TF: variants seen among roughly 807,000 people sequenced by gnomAD.
TF encodes serotransferrin.
In TF, 55 loss-of-function variants were observed where a neutral mutation model predicts 82.4. The observed-to-expected ratio is 0.67, with a 90% confidence interval of 0.54 to 0.84. The LOEUF (loss-of-function observed/expected upper bound fraction) is 0.84, where lower values mean the gene tolerates loss of function less well. Among genes scored for constraint, TF ranks in the 40% least tolerant of loss-of-function variants. The pLI is 0.00. For synonymous variants in TF, 332 were observed against 332.6 expected (o/e 1.00, Z 0.02); for missense variants, 737 against 868.4 (o/e 0.85, Z 1.90).
the TF span, among the ~76,000 whole-genome samples, chr3:133,721,465 T>C: frequency 6.6e-6 from 1 of 152,228 alleles, no homozygotes; most frequent in Non-Finnish European, 1.5e-5. Context: ...GTATGATGTC[T>C]GTCTTCTTAA....
the TF span, among the ~76,000 whole-genome samples, chr3:133,737,865 A>T: frequency 1.4e-3 from 207 of 152,164 alleles, no homozygotes; most frequent in Middle Eastern, 3.4e-3. Context: ...AAGATTCACA[A>T]CTGAATTCTA....
chr3:133,730,390 G>A, the TF span, among the ~76,000 whole-genome samples: 1 of 152,176 alleles, frequency 6.6e-6, no homozygotes, highest in East Asian at 1.9e-4. Context: ...ACTCTCCCCT[G>A]GAGTTTCACC....
chr3:133,728,058 C>T, the TF span, among the ~76,000 whole-genome samples: 1 of 152,192 alleles, frequency 6.6e-6, no homozygotes, highest in Non-Finnish European at 1.5e-5. Flanking sequence ...TTGTGGGTAA[C>T]CCAACCTTTC....
At chr3:133,764,044 T>TG (rs1373677713) in intron 9 of TF, 138 bp from the exon 10 acceptor site, 8 of 746,196 alleles carry the variant, frequency 1.1e-5, no homozygotes, top group Admixed American at 1.9e-5. Context: ...GGCTGATCTT[T>TG]TGGGGGTTCA....
chr3:133,753,516 C>G (rs1933733756), intron 2 of TF, 79 bp from the exon 3 acceptor site: 1 of 1,271,182 alleles, frequency 7.9e-7, no homozygotes, highest in Non-Finnish European at 1.2e-6. Context: ...TCCTGGTAGC[C>G]ACTCTCTACT....
chr3:133,704,693 A>C, the TF span, among the ~76,000 whole-genome samples: 1 of 152,124 alleles, frequency 6.6e-6, no homozygotes, highest in Non-Finnish European at 1.5e-5. Flanking sequence ...AGGTGAGAAG[A>C]CCCAAACAAC....
the TF span, among the ~76,000 whole-genome samples, chr3:133,685,670 C>T: frequency 6.6e-6 from 1 of 151,970 alleles, no homozygotes; most frequent in African/African-American, 2.4e-5. Context: ...TCTTCAAGAA[C>T]TACAAACCAC....
rs937904338 is a variant in TF, at chr3:133,788,663, A to C, written c.*10043A>C. The C allele has an allele frequency of 2.7e-5, 4 of 150,598 alleles. No individual in the cohort carries two copies. The highest frequency in any genetic ancestry group is 9.8e-5 in the African/African-American group (4 of 40,886). The allele number at this position is 150,598 out of a possible 1,614,324, so 9.3% of individuals were successfully genotyped here. ...TCCCTCTGTCTCTTTTTCCTTTCCAACTCGGGACCCTTGGTGGGCAGCGCC... is the reference window on the plus strand; with the variant it reads ...TCCCTCTGTCTCTTTTTCCTTTCCACCTCGGGACCCTTGGTGGGCAGCGCC... On this transcript the variant is annotated 3_prime_UTR_variant, in exon 17 of 17. Transcript: ENST00000402696.
the TF span, among the ~76,000 whole-genome samples, chr3:133,672,618 T>C: frequency 2.0e-5 from 3 of 151,940 alleles, no homozygotes. Flanking sequence ...CCCCAGCTAC[T>C]TGGGAGGCTG....
chr3:133,714,605 T>C, the TF span, among the ~76,000 whole-genome samples: 163 of 152,146 alleles, frequency 1.1e-3, no homozygotes, highest in Non-Finnish European at 1.8e-3. Flanking sequence ...AACATACACA[T>C]AAAAAGCAGT....
chr3:133,725,641 C>A, the TF span, among the ~76,000 whole-genome samples: 1 of 151,576 alleles, frequency 6.6e-6, no homozygotes, highest in Non-Finnish European at 1.5e-5. Flanking sequence ...AATTGAATAC[C>A]CTTTATTTCC....
At chr3:133,778,523 C>A in intron 16 of TF, 63 bp from the exon 17 acceptor site, 1 of 1,566,462 alleles carries the variant, frequency 6.4e-7, no homozygotes, top group Non-Finnish European at 8.8e-7. Flanking sequence ...TTCAATCACT[C>A]GACAGTTCAG....
At chr3:133,724,775 T>C in the TF span, among the ~76,000 whole-genome samples, 1 of 152,254 alleles carries the variant, frequency 6.6e-6, no homozygotes, top group Non-Finnish European at 1.5e-5. Flanking sequence ...CTTCTAGGGA[T>C]TTTATGGTTT....
chr3:133,733,168 T>G, the TF span, among the ~76,000 whole-genome samples: 2 of 152,180 alleles, frequency 1.3e-5, no homozygotes, highest in Admixed American at 6.5e-5. Flanking sequence ...AAATCCAAAT[T>G]ATTTGACACC....
the TF span, among the ~76,000 whole-genome samples, chr3:133,732,168 G>A: frequency 2.0e-5 from 3 of 152,176 alleles, no homozygotes; most frequent in Non-Finnish European, 2.9e-5. Context: ...ACTGTACTAG[G>A]TGATTTACAG....
the TF span, among the ~76,000 whole-genome samples, chr3:133,670,292 T>C: frequency 2.2e-4 from 33 of 152,372 alleles, 1 homozygote; most frequent in African/African-American, 6.0e-4. Context: ...CTTAGTACAA[T>C]GCCTGGTACA....
Position 133,778,568 on chromosome 3 carries a change from C to T in TF, c.2063-18C>T. The T allele has an allele frequency of 1.9e-6, 3 of 1,612,596 alleles. No homozygotes were observed. Among genetic ancestry groups the T allele is most frequent in the Non-Finnish European group, 2.5e-6 (3 of 1,179,006 alleles). On this transcript the variant is annotated intron_variant, in intron 16 of 16. Coordinates refer to ENST00000402696, the MANE Select transcript of TF (RefSeq NM_001063.4). ...TAGGAAGATTTTGAAAATCCTACCTCTCTGCTCTGCTCCACAGCACTCCTG... is the reference window on the plus strand; with the variant it reads ...TAGGAAGATTTTGAAAATCCTACCTTTCTGCTCTGCTCCACAGCACTCCTG...
the TF span, among the ~76,000 whole-genome samples, chr3:133,708,657 CAT>C: frequency 6.6e-6 from 1 of 150,574 alleles, no homozygotes; most frequent in Admixed American, 6.6e-5. Context: ...TGTGTGCAAA[CAT>C]ATATATATAA....
At chr3:133,671,080 C>T in the TF span, among the ~76,000 whole-genome samples, 1 of 152,230 alleles carries the variant, frequency 6.6e-6, no homozygotes, top group Non-Finnish European at 1.5e-5. Flanking sequence ...GATAATGCCA[C>T]ACCTTGAAGA....
Sources: gnomAD v4.1 joint callset for allele counts (sites outside exome capture counted in the v4.1 genomes callset) on GRCh38, gnomAD v4.1.1 for gene constraint, MANE v1.5 for transcripts, NCBI Gene and HGNC (gene_info 2026-07-23, HGNC 2026-07-21) for gene names.